Variants in IAPP observed in about 807,000 individuals in gnomAD.
IAPP encodes the protein Islet amyloid polypeptide (diabetes-associated peptide; amylin).
In IAPP, 4 loss-of-function variants were observed where a neutral mutation model predicts 2.9. The observed-to-expected ratio is 1.39, with a 90% confidence interval of 0.69 to 3.19. The LOEUF (loss-of-function observed/expected upper bound fraction) is 3.19, where lower values mean the gene tolerates loss of function less well. Among genes scored for constraint, IAPP ranks in the 30% most tolerant of loss-of-function variants. The pLI, the probability that IAPP is intolerant of heterozygous loss-of-function variation, is 0.01. For synonymous variants in IAPP, 40 were observed against 42.1 expected (o/e 0.95, Z 0.19); for missense variants, 114 against 105.3 (o/e 1.08, Z -0.36).
upstream of IAPP, among the ~76,000 whole-genome samples, chr12:21,371,171 A>G (rs1487006681): frequency 6.6e-6 from 1 of 152,160 alleles, no homozygotes; most frequent in Non-Finnish European, 1.5e-5. Context: ...ATTGCCCTGG[A>G]AAGAGGCAGT....
chr12:21,356,006 A>C (rs965443295), intron 1 of IAPP, among the ~76,000 whole-genome samples: 8 of 152,144 alleles, frequency 5.3e-5, no homozygotes, highest in African/African-American at 1.9e-4. Context: ...ACTTGAAAAT[A>C]GATTTTAAGA....
intron 1 of IAPP, among the ~76,000 whole-genome samples, chr12:21,367,543 T>C (rs760793069): frequency 9.9e-5 from 15 of 152,108 alleles, no homozygotes; most frequent in Non-Finnish European, 1.9e-4. Flanking sequence ...CATATCATAT[T>C]TTATCATTCT....
At chr12:21,372,278 A>AT (rs371793334), upstream of IAPP, among the ~76,000 whole-genome samples, 47 of 152,134 alleles carry the variant, frequency 3.1e-4, 1 homozygote, top group South Asian at 9.3e-3. Context: ...TGAAAAATGA[A>AT]TTTTTTTATT....
chr12:21,378,198 C>T, intron 2 of IAPP, 39 bp from the exon 3 acceptor site: 1 of 1,589,642 alleles, frequency 6.3e-7, no homozygotes, highest in Non-Finnish European at 8.6e-7. Context: ...AGCTAAAATT[C>T]TAAGGCTCTA....
intron 1 of IAPP, among the ~76,000 whole-genome samples, chr12:21,359,350 A>T (rs1591878028): frequency 6.6e-6 from 1 of 152,166 alleles, no homozygotes; most frequent in Non-Finnish European, 1.5e-5. Context: ...CAACTAAATT[A>T]TAAACCCTCT....
intron 2 of IAPP, among the ~76,000 whole-genome samples, chr12:21,377,294 A>G (rs192551103): frequency 1.6e-4 from 24 of 152,314 alleles, no homozygotes; most frequent in Non-Finnish European, 3.4e-4. Context: ...ACACTGCAAT[A>G]GAGTACCTGA....
At chr12:21,364,937 G>C (rs994959521) in intron 1 of IAPP, among the ~76,000 whole-genome samples, 2 of 152,184 alleles carry the variant, frequency 1.3e-5, no homozygotes, top group Non-Finnish European at 2.9e-5. Context: ...CTCGTGGATA[G>C]GAAGAATCAA....
chr12:21,373,254 T>A lies in IAPP; in HGVS notation c.-15-83T>A. 8 of 887,864 alleles carry A rather than the reference T, an allele frequency of 9.0e-6. No individual in the cohort carries two copies. The South Asian group carries it at 1.1e-4, about 12-fold the overall frequency. 55.0% of individuals were successfully genotyped at this position (887,864 alleles called of 1,614,324 possible). A position where few individuals can be genotyped will look rare whatever the true frequency, so the allele number is the denominator to read the frequency against. ...TTACGTTTTAAAAAGATGTTTCTTT[T>A]AAAAACTAAGCTCTAATTTAAAATT... On this transcript the variant is annotated intron_variant, in intron 1 of 2. Coordinates refer to ENST00000240652, the MANE Select transcript of IAPP (RefSeq NM_000415.3).
At chr12:21,357,013 G>T (rs1168697364) in intron 1 of IAPP, among the ~76,000 whole-genome samples, 4 of 151,064 alleles carry the variant, frequency 2.6e-5, no homozygotes, top group African/African-American at 2.4e-5. Context: ...AATAGTAAAA[G>T]AAATAATTTC....
chr12:21,373,748 T>TA (rs773216078), intron 2 of IAPP: 6 of 696,036 alleles, frequency 8.6e-6, no homozygotes, highest in Non-Finnish European at 1.3e-5. Flanking sequence ...TAATTTCTTC[T>TA]ATATTAACCT....
At chr12:21,357,833 A>G (rs947506819) in intron 1 of IAPP, among the ~76,000 whole-genome samples, 1 of 152,230 alleles carries the variant, frequency 6.6e-6, no homozygotes, top group Non-Finnish European at 1.5e-5. Context: ...AAAATATGAA[A>G]ACAGTATTAG....
upstream of IAPP, among the ~76,000 whole-genome samples, chr12:21,370,708 A>G (rs1486536616): frequency 6.6e-6 from 1 of 152,218 alleles, no homozygotes; most frequent in Non-Finnish European, 1.5e-5. Context: ...CAATGTAGGT[A>G]ATAAGCAAGT....
chr12:21,361,472 C>T (rs1021132917), intron 1 of IAPP, among the ~76,000 whole-genome samples: 8 of 152,282 alleles, frequency 5.3e-5, no homozygotes, highest in South Asian at 2.1e-4. Context: ...TAAAAATTAG[C>T]GCACCTCTTC....
upstream of IAPP, among the ~76,000 whole-genome samples, chr12:21,370,580 T>C (rs1450215226): frequency 6.7e-6 from 1 of 150,372 alleles, no homozygotes; most frequent in African/African-American, 2.4e-5. Context: ...ACGTGCAGTG[T>C]TTCGATAGAA....
intron 1 of IAPP, among the ~76,000 whole-genome samples, chr12:21,362,961 C>T (rs1043693819): frequency 6.6e-6 from 1 of 152,086 alleles, no homozygotes; most frequent in African/African-American, 2.4e-5. Context: ...CATTAACACC[C>T]CACTGTGAAC....
chr12:21,365,082 T>C (rs1246475381), intron 1 of IAPP, among the ~76,000 whole-genome samples: 1 of 152,176 alleles, frequency 6.6e-6, no homozygotes, highest in Non-Finnish European at 1.5e-5. Context: ...AGAGCTCTCA[T>C]TGCCAATACG....
In IAPP at chr12:21,379,256, T is replaced by C. The variant is rs1338958711; in HGVS notation, c.*830T>C. 1.3e-5 allele frequency: 2 copies of C among 152,188 alleles called. No individual in the cohort carries two copies. The highest frequency in any genetic ancestry group is 4.8e-5 in the African/African-American group (2 of 41,440). The allele number at this position is 152,188 out of a possible 1,614,324, so 9.4% of individuals were successfully genotyped here. On this transcript the variant is annotated 3_prime_UTR_variant, in exon 3 of 3. Coordinates refer to ENST00000240652, the MANE Select transcript of IAPP (RefSeq NM_000415.3). The stretch of plus-strand genomic sequence containing the variant: ...CAAAATATTTTTTAAAGTCTATTGT[T>C]TGTTGTGCTTGCTGGTACTAAGAGG...
At chr12:21,371,560 A>G (rs749371955), upstream of IAPP, among the ~76,000 whole-genome samples, 3 of 152,234 alleles carry the variant, frequency 2.0e-5, no homozygotes, top group African/African-American at 2.4e-5. Context: ...AGTATATGAA[A>G]TCAATGAACT....
chr12:21,377,155 T>G (rs1448966018), intron 2 of IAPP, among the ~76,000 whole-genome samples: 1 of 152,174 alleles, frequency 6.6e-6, no homozygotes, highest in African/African-American at 2.4e-5. Flanking sequence ...AAAAATGTGA[T>G]GAATATTAAT....
Sources: gnomAD v4.1 joint callset for allele counts (sites outside exome capture counted in the v4.1 genomes callset) on GRCh38, gnomAD v4.1.1 for gene constraint, MANE v1.5 for transcripts, NCBI Gene and HGNC (gene_info 2026-07-23, HGNC 2026-07-21) for gene names.